Variants in IL1RAPL2 observed in about 807,000 individuals in gnomAD.
IL1RAPL2 encodes the protein interleukin 1 receptor accessory protein like 2.
IL1RAPL2 carries 3 observed loss-of-function variants against 44.1 expected under a neutral mutation model. The observed-to-expected ratio is 0.07, with a 90% CI of 0.03 to 0.18. The LOEUF (loss-of-function observed/expected upper bound fraction) is 0.18, where lower values mean the gene tolerates loss of function less well. IL1RAPL2 is among the 10% of genes least tolerant of loss of function. The pLI is 1.00. For synonymous variants in IL1RAPL2, 181 were observed against 178.8 expected (o/e 1.01, Z -0.10); for missense variants, 391 against 496.4 (o/e 0.79, Z 2.02).
chrX:105,108,960 C>T (rs2032774218), intron 2 of IL1RAPL2, among the ~76,000 whole-genome samples: 1 of 111,674 alleles, frequency 9.0e-6, no homozygotes, highest in Non-Finnish European at 1.9e-5. Flanking sequence ...TCATCTTGTA[C>T]CTTTCTCCCA....
chrX:105,249,870 G>A (rs545606030), intron 4 of IL1RAPL2, among the ~76,000 whole-genome samples: 1 of 111,386 alleles, frequency 9.0e-6, no homozygotes, highest in Non-Finnish European at 1.9e-5. Context: ...AAAATTAGTT[G>A]AAAAGTTTCA....
chrX:104,654,157 G>A (rs1428442173), intron 1 of IL1RAPL2, among the ~76,000 whole-genome samples: 1 of 110,607 alleles, frequency 9.0e-6, no homozygotes, highest in Non-Finnish European at 1.9e-5. Flanking sequence ...ACCCTTTTCA[G>A]TTATTTTTGA....
intron 2 of IL1RAPL2, among the ~76,000 whole-genome samples, chrX:104,821,308 C>T (rs1048719172): frequency 3.6e-5 from 4 of 110,470 alleles, no homozygotes; most frequent in Non-Finnish European, 7.6e-5. Context: ...AGGTTTGTTA[C>T]AGAGGTATAC....
intron 6 of IL1RAPL2, among the ~76,000 whole-genome samples, chrX:105,532,068 A>G (rs2036641521): frequency 8.9e-6 from 1 of 111,897 alleles, no homozygotes; most frequent in African/African-American, 3.3e-5. Flanking sequence ...TTTCAGACTC[A>G]CTGTGTACTC....
At chrX:105,216,518 C>G (rs2033859636) in intron 3 of IL1RAPL2, among the ~76,000 whole-genome samples, 1 of 111,128 alleles carries the variant, frequency 9.0e-6, no homozygotes, top group South Asian at 3.8e-4. Flanking sequence ...AGTGGCCATA[C>G]TGCCCAAAGT....
intron 2 of IL1RAPL2, among the ~76,000 whole-genome samples, chrX:104,739,146 T>C (rs764188104): frequency 1.8e-5 from 2 of 111,768 alleles, no homozygotes; most frequent in African/African-American, 3.3e-5. Context: ...CTGTGAAGCA[T>C]GTCTTTGGGA....
In IL1RAPL2 at chrX:105,274,119, A is replaced by G. The variant is rs186342537; in HGVS notation, c.697+6578A>G. Among the ~76,000 whole-genome samples, 10 of 112,327 alleles carry G rather than the reference A, an allele frequency of 8.9e-5. 1 individual carries two copies. The highest frequency in any genetic ancestry group is 9.2e-3 in the Middle Eastern group (2 of 217). ...TGGACACGATGTCTATCATTCCACT[A>G]TAATATCCTTTTTGGACATTCACAA... On this transcript the variant is annotated intron_variant, in intron 5 of 10. Coordinates refer to ENST00000372582, the MANE Select transcript of IL1RAPL2 (RefSeq NM_017416.2).
chrX:105,474,796 TTTTA>T (rs1294151663), intron 5 of IL1RAPL2, among the ~76,000 whole-genome samples: 3 of 111,413 alleles, frequency 2.7e-5, no homozygotes, highest in Middle Eastern at 4.6e-3. Flanking sequence ...TTTCTTTCCT[TTTTA>T]TTTATTTATT....
chrX:104,881,079 GCT>G (rs1201161302), intron 2 of IL1RAPL2, among the ~76,000 whole-genome samples: 1 of 110,949 alleles, frequency 9.0e-6, no homozygotes, highest in Admixed American at 9.6e-5. Flanking sequence ...GTCATTCTAG[GCT>G]CTCAAACTTT....
intron 6 of IL1RAPL2, among the ~76,000 whole-genome samples, chrX:105,540,633 C>T (rs762819006): frequency 2.8e-5 from 3 of 105,314 alleles, no homozygotes; most frequent in Non-Finnish European, 3.9e-5. Context: ...CATTCTGCTC[C>T]GTTGAATTTC....
intron 2 of IL1RAPL2, among the ~76,000 whole-genome samples, chrX:105,080,712 G>T (rs762995713): frequency 9.0e-5 from 10 of 111,701 alleles, no homozygotes; most frequent in East Asian, 2.8e-4. Context: ...CTCTTTTTTG[G>T]TTCCGTAGGA....
chrX:105,751,551 A>T, intron 9 of IL1RAPL2, among the ~76,000 whole-genome samples: 1 of 111,703 alleles, frequency 9.0e-6, no homozygotes, highest in East Asian at 2.8e-4. Flanking sequence ...AATGTGGCTC[A>T]TGGTTTCAAA....
intron 2 of IL1RAPL2, among the ~76,000 whole-genome samples, chrX:104,751,151 C>T (rs1311576038): frequency 9.0e-6 from 1 of 111,328 alleles, no homozygotes; most frequent in Non-Finnish European, 1.9e-5. Flanking sequence ...CTACAAATGG[C>T]AGATTAATCA....
intron 3 of IL1RAPL2, among the ~76,000 whole-genome samples, chrX:105,207,944 TA>T (rs1417443254): frequency 3.6e-5 from 4 of 111,973 alleles, no homozygotes; most frequent in Non-Finnish European, 7.5e-5. Context: ...AATAGTACAG[TA>T]AAAAGTAGGA....
chrX:105,257,443 C>G lies in IL1RAPL2; in HGVS notation c.544-9945C>G, dbSNP rs5962495. ...TTCAGGTGGAGAGGTCTGTAAAGGT[C>G]TATGAGATCCATTTGGTCCAATGTT... On this transcript the variant is annotated intron_variant, in intron 4 of 10. Coordinates refer to ENST00000372582, the MANE Select transcript of IL1RAPL2 (RefSeq NM_017416.2). Among the ~76,000 whole-genome samples the G allele has an allele frequency of 2.5e-3, 282 of 111,579 alleles. 2 individuals are homozygous for G. Among genetic ancestry groups the G allele is most frequent in the African/African-American group, 9.0e-3 (277 of 30,660 alleles).
chrX:105,549,804 G>A (rs16984810), intron 6 of IL1RAPL2, among the ~76,000 whole-genome samples: 1,969 of 111,402 alleles, frequency 0.018, 43 homozygotes, highest in African/African-American at 0.061. Context: ...CTTAACTCCC[G>A]AAGCCCAGAA....
rs775583599 is a variant in IL1RAPL2, at chrX:105,074,268, C to A, written c.83-121207C>A. On this transcript the variant is annotated intron_variant, in intron 2 of 10. Transcript: ENST00000372582. ...TTCAGCTTTCTACTCATGGCTAGCCCGTTTTCCCAGCACCATTTATTAAAT... is the reference window on the plus strand; with the variant it reads ...TTCAGCTTTCTACTCATGGCTAGCCAGTTTTCCCAGCACCATTTATTAAAT... Among the ~76,000 whole-genome samples the A allele has an allele frequency of 2.5e-3, 275 of 111,577 alleles. 5 individuals carry two copies. The highest frequency in any genetic ancestry group is 0.023 in the Admixed American group (244 of 10,482).
At chrX:105,510,693 C>T (rs1159422195) in intron 6 of IL1RAPL2, among the ~76,000 whole-genome samples, 2 of 111,447 alleles carry the variant, frequency 1.8e-5, no homozygotes, top group East Asian at 5.7e-4. Context: ...GATATGATGT[C>T]ATGTCAGAAG....
At chrX:104,671,592 A>T (rs1930605334) in intron 2 of IL1RAPL2, among the ~76,000 whole-genome samples, 1 of 111,729 alleles carries the variant, frequency 9.0e-6, no homozygotes. Context: ...TGATTTAGTT[A>T]TTTGTACGTC....
Sources: gnomAD v4.1 joint callset for allele counts (sites outside exome capture counted in the v4.1 genomes callset) on GRCh38, gnomAD v4.1.1 for gene constraint, MANE v1.5 for transcripts, NCBI Gene and HGNC (gene_info 2026-07-23, HGNC 2026-07-21) for gene names.